ZC3H7A: variants seen among roughly 807,000 people sequenced by gnomAD.
The protein encoded by ZC3H7A is zinc finger CCCH-type containing 7A.
Under a neutral mutation model 125.5 loss-of-function variants are expected in ZC3H7A, and 44 were observed. That is an observed-to-expected ratio of 0.35 (90% confidence interval 0.28 to 0.45). ZC3H7A has a LOEUF of 0.45. Ranked by LOEUF, ZC3H7A falls within the 20% of genes least tolerant of loss-of-function variation. The pLI is 1.00. For synonymous variants in ZC3H7A, 399 were observed against 391.2 expected, an observed-to-expected ratio of 1.02 and a Z score of -0.23; for missense variants, 977 against 1,170.7, an observed-to-expected ratio of 0.83 and a Z score of 2.41.
chr16:11,784,728 C>A (rs1017325359), intron 1 of ZC3H7A, among the ~76,000 whole-genome samples: 1 of 152,074 alleles, frequency 6.6e-6, no homozygotes, highest in Admixed American at 6.6e-5. Context: ...GTGGTGCATG[C>A]CTGTAATCCC....
At chr16:11,767,609 T>A in intron 12 of ZC3H7A, 31 bp from the exon 13 acceptor site, 7 of 1,496,570 alleles carry the variant, frequency 4.7e-6, no homozygotes, top group Non-Finnish European at 5.3e-6. Flanking sequence ...ATTGCTTATA[T>A]GCACAAAAAA....
intron 19 of ZC3H7A, among the ~76,000 whole-genome samples, chr16:11,760,291 C>T (rs192603017): frequency 6.6e-6 from 1 of 152,182 alleles, no homozygotes; most frequent in African/African-American, 2.4e-5. Flanking sequence ...CAGGGTTGTT[C>T]TCAGTTGTAC....
Position 11,793,875 on chromosome 16 carries a change from G to T in ZC3H7A, c.-35+3249C>A, listed in dbSNP as rs544614687. 2.0e-5 allele frequency among the ~76,000 whole-genome samples: 3 copies of T among 152,296 alleles called. No homozygotes were observed. The South Asian group carries it at 6.2e-4, about 32-fold the overall frequency. ...CAGTATGCCAAACAACAGCAGGAAG[G>T]TAATGTTACATTTTGGCTGGAGTTC... On this transcript the variant is annotated intron_variant, in intron 1 of 22. Coordinates refer to ENST00000355758, the MANE Select transcript of ZC3H7A (RefSeq NM_014153.4).
At chr16:11,775,298 G>A (rs142878421) in intron 7 of ZC3H7A, among the ~76,000 whole-genome samples, 7,398 of 151,972 alleles carry the variant, frequency 0.049, 264 homozygotes, top group Middle Eastern at 0.11. Context: ...TTGAACCCGG[G>A]AGGTGGAGGC....
chr16:11,752,542 C>A, intron 22 of ZC3H7A, 127 bp downstream of exon 22: 2 of 1,204,584 alleles, frequency 1.7e-6, no homozygotes, highest in Non-Finnish European at 1.1e-6. Context: ...CCCAAGAATC[C>A]TTCAGGGTCT....
At chr16:11,788,934 G>A (rs544741214) in intron 1 of ZC3H7A, among the ~76,000 whole-genome samples, 36 of 152,194 alleles carry the variant, frequency 2.4e-4, no homozygotes, top group African/African-American at 5.3e-4. Flanking sequence ...TCTATAGAAC[G>A]ATTCTGTATC....
Position 11,797,120 on chromosome 16 carries a change from C to G in ZC3H7A, c.-35+4G>C, listed in dbSNP as rs1159023286. The stretch of plus-strand genomic sequence containing the variant: ...CATGCCCGGCGGCGTCCCCCTACCC[C>G]TACCTGTGGGGACGACGCGCCGGCC... On this transcript the variant is annotated splice_donor_region_variant and intron_variant, in intron 1 of 22. Transcript: ENST00000355758. 2 of 149,380 alleles carry G rather than the reference C, an allele frequency of 1.3e-5. No homozygotes were observed. The highest frequency in any genetic ancestry group is 3.9e-4 in the East Asian group (2 of 5,158). The allele number at this position is 149,380 out of a possible 1,614,324, so 9.3% of individuals were successfully genotyped here.
In ZC3H7A at chr16:11,751,790, A is replaced by C. The variant is rs530562154; in HGVS notation, c.2727-284T>G. On this transcript the variant is annotated intron_variant, in intron 22 of 22. Transcript: ENST00000355758. ...GAAATCAGAGGCGGCATCAAGGAAAAAAATGTCTTCAATAGTTTTAAGGAT... is the reference window on the plus strand; with the variant it reads ...GAAATCAGAGGCGGCATCAAGGAAACAAATGTCTTCAATAGTTTTAAGGAT... Among the ~76,000 whole-genome samples the C allele has an allele frequency of 8.5e-4, 129 of 152,348 alleles. 1 individual carries two copies. In the Middle Eastern group the frequency reaches 0.017, roughly 20 times the overall value.
Position 11,765,642 on chromosome 16 carries a change from C to A in ZC3H7A, c.1566G>T (p.Thr522=), listed in dbSNP as rs372323765. Residue 522 remains threonine (T), a synonymous_variant, in exon 14 of 23, where the codon ACG becomes ACT. Transcript: ENST00000355758. The surrounding 1 kb of genome is among the most constrained non-coding windows in gnomAD (Gnocchi z 4.8). The part of the protein sequence containing the change: ...EEECRYSGHC[T]FAYCQEEIDV... ...CTATCTCCTCTTGGCAATAAGCAAACGTGCAGTGGCCTGAATATCTACATT... is the reference window on the plus strand; with the variant it reads ...CTATCTCCTCTTGGCAATAAGCAAAAGTGCAGTGGCCTGAATATCTACATT... 6.2e-7 allele frequency: 1 copy of A among 1,613,842 alleles called. No homozygotes were observed. Among genetic ancestry groups the A allele is most frequent in the East Asian group, 2.2e-5 (1 of 44,876 alleles).
At chr16:11,762,794 C>A (rs1567376428) in intron 16 of ZC3H7A, 47 bp from the exon 17 acceptor site, 2 of 1,589,600 alleles carry the variant, frequency 1.3e-6, no homozygotes. Flanking sequence ...ATAAGAACAA[C>A]AGCCCACCAA....
chr16:11,783,493 C>T (rs1235924423), intron 1 of ZC3H7A, among the ~76,000 whole-genome samples: 1 of 152,132 alleles, frequency 6.6e-6, no homozygotes, highest in African/African-American at 2.4e-5. Context: ...CTTGTGATTG[C>T]AGGACATTGG....
chr16:11,756,685 C>A (rs977574577), intron 20 of ZC3H7A, among the ~76,000 whole-genome samples: 1 of 152,190 alleles, frequency 6.6e-6, no homozygotes, highest in Non-Finnish European at 1.5e-5. Flanking sequence ...TCACAAAAGC[C>A]TCACCACTGC....
intron 4 of ZC3H7A, among the ~76,000 whole-genome samples, chr16:11,778,481 C>T (rs1201882163): frequency 6.8e-6 from 1 of 146,368 alleles, no homozygotes; most frequent in Non-Finnish European, 1.5e-5. Flanking sequence ...GTGTTTTTTA[C>T]CAAGAGTGTT....
At chr16:11,779,821 T>C (rs1190509493) in intron 3 of ZC3H7A, among the ~76,000 whole-genome samples, 1 of 152,080 alleles carries the variant, frequency 6.6e-6, no homozygotes, top group Non-Finnish European at 1.5e-5. Context: ...CCCGTGCACA[T>C]ATATGTAAAA....
intron 1 of ZC3H7A, among the ~76,000 whole-genome samples, chr16:11,784,796 G>A (rs1440407264): frequency 6.6e-6 from 1 of 150,428 alleles, no homozygotes; most frequent in African/African-American, 2.5e-5. Flanking sequence ...GGAGGTTGCA[G>A]TGAGCCAAGA....
At chr16:11,761,539 C>A in intron 18 of ZC3H7A, 28 bp from the exon 19 acceptor site, 1 of 1,610,254 alleles carries the variant, frequency 6.2e-7, no homozygotes, top group Non-Finnish European at 8.5e-7. Flanking sequence ...CAGAAAAAAA[C>A]AAAGACACAC....
intron 1 of ZC3H7A, 31 bp from the exon 2 acceptor site, chr16:11,782,419 A>C (rs892648941): frequency 6.3e-7 from 1 of 1,592,298 alleles, no homozygotes; most frequent in African/African-American, 1.3e-5. Context: ...AAAGCACATA[A>C]GGTACCAGGG....
At chr16:11,753,205 G>A in intron 21 of ZC3H7A, 1 of 204,572 alleles carries the variant, frequency 4.9e-6, no homozygotes, top group South Asian at 8.9e-5. Context: ...ACGAGCAGCA[G>A]CTCCCTTCAG....
At chr16:11,788,231 T>C (rs2053288975) in intron 1 of ZC3H7A, among the ~76,000 whole-genome samples, 2 of 151,940 alleles carry the variant, frequency 1.3e-5, no homozygotes, top group Non-Finnish European at 2.9e-5. Flanking sequence ...GGCCACTCTG[T>C]CTCCTGCAAG....
Sources: allele counts gnomAD v4.1 joint callset (sites outside exome capture counted in the v4.1 genomes callset), GRCh38; gene constraint gnomAD v4.1.1; non-coding constraint Gnocchi (gnomAD v3.1); transcripts MANE v1.5; gene names NCBI Gene and HGNC (gene_info 2026-07-23, HGNC 2026-07-21).